The following NCALD variants were observed in gnomAD, a reference collection of about 807,000 sequenced individuals.
NCALD encodes the protein neurocalcin delta.
In NCALD, 10 loss-of-function variants were observed where a neutral mutation model predicts 18.6. The observed-to-expected ratio is 0.54, with a 90% CI of 0.33 to 0.91. The LOEUF is 0.91. Ranked by LOEUF, NCALD falls within the 40% of genes least tolerant of loss-of-function variation. The probability of loss-of-function intolerance (pLI) is 0.03; values close to 1 mark genes in which losing one functional copy is unlikely to be tolerated. For missense variants in NCALD, 184 were observed against 247.6 expected (o/e 0.74, Z 1.72); for synonymous variants, 88 against 87.4 (o/e 1.01, Z -0.04).
At chr8:101,851,990 A>G (rs917055868) in intron 4 of NCALD, among the ~76,000 whole-genome samples, 1 of 152,160 alleles carries the variant, frequency 6.6e-6, no homozygotes, top group Non-Finnish European at 1.5e-5. Flanking sequence ...CCCTTCTACC[A>G]TATGAGGACA....
chr8:102,075,028 A>AG (rs1285424267), intron 1 of NCALD, among the ~76,000 whole-genome samples: 1 of 152,214 alleles, frequency 6.6e-6, no homozygotes, highest in Non-Finnish European at 1.5e-5. Flanking sequence ...GGAAGGAGGA[A>AG]GGGGAAAAGA....
rs1270403176 is a variant in NCALD at position 101,804,641 on chromosome 8, T to TATAA, written c.-20+82499_-20+82500insTTAT. Among the ~76,000 whole-genome samples the TATAA allele has an allele frequency of 6.6e-5, 9 of 135,678 alleles. 1 individual carries two copies. Among genetic ancestry groups the TATAA allele is most frequent in the African/African-American group, 1.9e-4 (7 of 35,982 alleles). The allele number at this position is 135,678 out of a possible 152,430, so 89.0% of individuals were successfully genotyped here. ...AATATATAATTAATATAATTAACTATTATATATTAGTATAATATAATTATC... is the reference window on the plus strand; with the variant it reads ...AATATATAATTAATATAATTAACTATATAATATATATTAGTATAATATAATTATC... On this transcript the variant is annotated intron_variant, in intron 4 of 6. Coordinates refer to the NCALD transcript ENST00000311028.
intron 1 of NCALD, among the ~76,000 whole-genome samples, chr8:102,062,823 G>A (rs1431309139): frequency 1.3e-5 from 2 of 152,172 alleles, no homozygotes; most frequent in Non-Finnish European, 2.9e-5. Context: ...CTGCTTTCAT[G>A]TCAGGTAATA....
At chr8:102,011,300 C>T (rs915267531) in intron 2 of NCALD, among the ~76,000 whole-genome samples, 3 of 152,164 alleles carry the variant, frequency 2.0e-5, no homozygotes, top group African/African-American at 4.8e-5. Flanking sequence ...ATATTCTTCT[C>T]CTCTTATCTT....
chr8:101,921,111 A>G (rs1003489802), intron 2 of NCALD, among the ~76,000 whole-genome samples: 1 of 152,160 alleles, frequency 6.6e-6, no homozygotes, highest in Non-Finnish European at 1.5e-5. Context: ...TAATGGGCAC[A>G]AGGAAGGAGT....
intron 3 of NCALD, among the ~76,000 whole-genome samples, chr8:101,911,321 T>C (rs1817787136): frequency 6.6e-6 from 1 of 150,466 alleles, no homozygotes; most frequent in South Asian, 2.1e-4. Flanking sequence ...CCACAGGAAA[T>C]CCTTCCTCTT....
chr8:101,705,628 C>T (rs1365891579), intron 2 of NCALD, among the ~76,000 whole-genome samples: 2 of 152,146 alleles, frequency 1.3e-5, no homozygotes, highest in Non-Finnish European at 2.9e-5. Flanking sequence ...TCTGTGACCT[C>T]CAAAGTCAGA....
intron 2 of NCALD, among the ~76,000 whole-genome samples, chr8:101,708,575 G>A (rs891581598): frequency 3.3e-5 from 5 of 152,230 alleles, no homozygotes; most frequent in Non-Finnish European, 1.5e-5. Context: ...TGCAGGTGCT[G>A]TTCTAGGCAC....
chr8:102,114,475 A>C (rs755003600), intron 1 of NCALD, among the ~76,000 whole-genome samples: 4 of 152,224 alleles, frequency 2.6e-5, no homozygotes, highest in Non-Finnish European at 5.9e-5. Context: ...AAAGCAATGA[A>C]GGATGATGCA....
At chr8:101,846,387 A>G (rs771206327) in intron 4 of NCALD, among the ~76,000 whole-genome samples, 9 of 152,224 alleles carry the variant, frequency 5.9e-5, no homozygotes, top group Non-Finnish European at 1.3e-4. Context: ...TTTGGCAACT[A>G]AAGCCCTTCA....
At chr8:101,724,457 TACTAGCTGGTGGGTAATTC>T (rs1222270564) in intron 1 of NCALD, among the ~76,000 whole-genome samples, 3 of 152,246 alleles carry the variant, frequency 2.0e-5, no homozygotes, top group Non-Finnish European at 4.4e-5. Context: ...CTCTATTGTT[TACTAGCTGGTGGGTAATTC>T]ACTTAACATT....
chr8:101,935,804 TTA>T lies in NCALD; in HGVS notation c.-156-19948_-156-19947del, dbSNP rs369878760. 7.6e-4 allele frequency among the ~76,000 whole-genome samples: 112 copies of T among 147,428 alleles called. 3 individuals are homozygous for T. The South Asian group carries it at 8.1e-3, about 11-fold the overall frequency. ...GATTCTTTTTTTTTTTTTTTTTTTTTTAAAGATGGAAGACATTATACTATGTA... is the reference window on the plus strand; with the variant it reads ...GATTCTTTTTTTTTTTTTTTTTTTTTAAGATGGAAGACATTATACTATGTA... On this transcript the variant is annotated intron_variant, in intron 2 of 6. Coordinates refer to the NCALD transcript ENST00000311028.
chr8:102,054,167 C>T (rs1563577674), intron 1 of NCALD, among the ~76,000 whole-genome samples: 1 of 152,144 alleles, frequency 6.6e-6, no homozygotes, highest in Non-Finnish European at 1.5e-5. Flanking sequence ...AATATGCTTA[C>T]CATGTGCAAG....
At chr8:102,036,143 A>AATT (rs1554583487) in intron 1 of NCALD, among the ~76,000 whole-genome samples, 55 of 148,332 alleles carry the variant, frequency 3.7e-4, no homozygotes, top group South Asian at 6.6e-4. Flanking sequence ...ATAAATAAAT[A>AATT]AATTAATTAA....
intron 3 of NCALD, among the ~76,000 whole-genome samples, chr8:101,892,061 G>A (rs1816921637): frequency 6.6e-6 from 1 of 152,076 alleles, no homozygotes; most frequent in African/African-American, 2.4e-5. Flanking sequence ...CTGGGGGCAG[G>A]GCACAGACAA....
At chr8:101,775,618 T>G (rs901215592) in intron 1 of NCALD, among the ~76,000 whole-genome samples, 2 of 152,126 alleles carry the variant, frequency 1.3e-5, no homozygotes, top group African/African-American at 4.8e-5. Context: ...TCTGGGAAGA[T>G]TCCAACCAAG....
intron 2 of NCALD, among the ~76,000 whole-genome samples, chr8:102,004,859 C>A (rs1449894483): frequency 7.9e-5 from 12 of 152,124 alleles, no homozygotes; most frequent in Non-Finnish European, 1.6e-4. Flanking sequence ...CCCTTCCTTA[C>A]ACCTTATACA....
intron 1 of NCALD, among the ~76,000 whole-genome samples, chr8:101,737,500 T>C (rs56982439): frequency 1.4e-4 from 21 of 152,356 alleles, no homozygotes; most frequent in African/African-American, 5.1e-4. Flanking sequence ...AGCCTCGTAC[T>C]CAGGGCCTCT....
chr8:101,880,867 G>T (rs969930769), intron 4 of NCALD, among the ~76,000 whole-genome samples: 5 of 152,148 alleles, frequency 3.3e-5, no homozygotes, highest in African/African-American at 1.2e-4. Flanking sequence ...AAGATATGGG[G>T]ACAAGGCAAA....
Sources: allele counts gnomAD v4.1 joint callset (sites outside exome capture counted in the v4.1 genomes callset), GRCh38; gene constraint gnomAD v4.1.1; transcripts MANE v1.5; gene names NCBI Gene and HGNC (gene_info 2026-07-23, HGNC 2026-07-21).